The following DAB1 variants were observed in gnomAD, a reference collection of about 807,000 sequenced individuals.
DAB1 encodes the protein disabled homolog 1.
Under a neutral mutation model 64.6 loss-of-function variants are expected in DAB1, and 15 were observed. The observed-to-expected ratio is 0.23, with a 90% CI of 0.16 to 0.36. The LOEUF (loss-of-function observed/expected upper bound fraction) is 0.36, where lower values mean the gene tolerates loss of function less well. Among genes scored for constraint, DAB1 ranks in the 10% least tolerant of loss-of-function variants. The pLI, the probability that DAB1 is intolerant of heterozygous loss-of-function variation, is 1.00. For missense variants in DAB1, 596 were observed against 706.7 expected, an observed-to-expected ratio of 0.84 and a Z score of 1.78; for synonymous variants, 235 against 251.9, an observed-to-expected ratio of 0.93 and a Z score of 0.64.
At chr1:57,511,453 T>A (rs1196642164) in intron 7 of DAB1, among the ~76,000 whole-genome samples, 1 of 152,246 alleles carries the variant, frequency 6.6e-6, no homozygotes. Flanking sequence ...CCTTATTCTA[T>A]CCTTCAGGGC....
At chr1:57,406,945 A>G (rs1319403981) in intron 1 of DAB1, among the ~76,000 whole-genome samples, 1 of 152,234 alleles carries the variant, frequency 6.6e-6, no homozygotes, top group Non-Finnish European at 1.5e-5. Context: ...TCTAGCAGTG[A>G]CATGCATGAT....
At chr1:58,440,938 G>A (rs1035012916) in intron 3 of DAB1, among the ~76,000 whole-genome samples, 2 of 152,114 alleles carry the variant, frequency 1.3e-5, no homozygotes, top group Admixed American at 1.3e-4. Flanking sequence ...TACTACAGTG[G>A]GTAACTAGTG....
chr1:57,561,828 T>C (rs992064015), intron 7 of DAB1, among the ~76,000 whole-genome samples: 4 of 152,210 alleles, frequency 2.6e-5, no homozygotes, highest in African/African-American at 9.6e-5. Context: ...GAGCCCTCGA[T>C]ATGGCACCAT....
chr1:58,068,529 G>A (rs1649003813), intron 5 of DAB1, among the ~76,000 whole-genome samples: 2 of 152,152 alleles, frequency 1.3e-5, no homozygotes, highest in African/African-American at 2.4e-5. Flanking sequence ...ACTTTGGGGG[G>A]CAGAGGCGGG....
intron 4 of DAB1, among the ~76,000 whole-genome samples, chr1:58,306,926 T>C (rs1312779399): frequency 1.3e-5 from 2 of 152,214 alleles, no homozygotes; most frequent in African/African-American, 4.8e-5. Flanking sequence ...ATCCTACTTA[T>C]GGGAGAACCA....
At chr1:57,131,155 C>T (rs1442378470) in intron 4 of DAB1, among the ~76,000 whole-genome samples, 10 of 152,150 alleles carry the variant, frequency 6.6e-5, no homozygotes, top group African/African-American at 2.4e-4. Context: ...TTGAGAATCT[C>T]TGAAACAAAA....
In DAB1 at chr1:57,303,909, C is replaced by T. The variant is rs533591882; in HGVS notation, c.-136-12743G>A. Among the ~76,000 whole-genome samples the T allele has an allele frequency of 4.6e-5, 7 of 152,278 alleles. No individual in the cohort carries two copies. In the East Asian group the frequency reaches 7.7e-4, roughly 17 times the overall value. On this transcript the variant is annotated intron_variant, in intron 1 of 14. Coordinates refer to ENST00000371236, the MANE Select transcript of DAB1 (RefSeq NM_001365792.1). The stretch of plus-strand genomic sequence containing the variant: ...AAAACTCCCCCCTGCCTTACTGCTA[C>T]GCATGGCTTTACAATGTCATAGTCC...
chr1:57,620,812 G>T (rs548427089), intron 7 of DAB1, among the ~76,000 whole-genome samples: 1 of 152,266 alleles, frequency 6.6e-6, no homozygotes, highest in South Asian at 2.1e-4. Context: ...GAAGCAGGGG[G>T]GCAGCGCGGC....
intron 3 of DAB1, among the ~76,000 whole-genome samples, chr1:58,461,710 C>T (rs562195196): frequency 6.6e-6 from 1 of 152,282 alleles, no homozygotes; most frequent in African/African-American, 2.4e-5. Flanking sequence ...CAAAGACTAC[C>T]GATGAAGGCA....
At chr1:57,922,119 A>C (rs912207210) in intron 5 of DAB1, among the ~76,000 whole-genome samples, 3 of 152,208 alleles carry the variant, frequency 2.0e-5, no homozygotes, top group Admixed American at 6.5e-5. Flanking sequence ...TCATTCTTCT[A>C]AATGGTAATA....
chr1:57,018,609 A>C (rs957723486), intron 11 of DAB1, among the ~76,000 whole-genome samples: 1 of 152,230 alleles, frequency 6.6e-6, no homozygotes, highest in Admixed American at 6.5e-5. Context: ...AACTACCCAC[A>C]GATTCAATCA....
intron 2 of DAB1, among the ~76,000 whole-genome samples, chr1:57,258,309 C>A (rs1669919650): frequency 6.6e-6 from 1 of 152,138 alleles, no homozygotes; most frequent in South Asian, 2.1e-4. Context: ...AAGAAGGAGG[C>A]AGCTGAGATA....
chr1:57,556,824 G>C (rs1335985266), intron 7 of DAB1, among the ~76,000 whole-genome samples: 1 of 152,070 alleles, frequency 6.6e-6, no homozygotes, highest in East Asian at 1.9e-4. Context: ...TGTTGCATTT[G>C]CTTTTGGGTT....
chr1:57,279,645 G>A (rs750775102), intron 2 of DAB1, among the ~76,000 whole-genome samples: 3 of 152,156 alleles, frequency 2.0e-5, no homozygotes, highest in Non-Finnish European at 4.4e-5. Context: ...CATAGCCTCA[G>A]GATTTTATCC....
intron 4 of DAB1, among the ~76,000 whole-genome samples, chr1:58,195,008 C>A (rs1557690579): frequency 6.6e-6 from 1 of 152,154 alleles, no homozygotes; most frequent in Non-Finnish European, 1.5e-5. Context: ...AACTCTAAGA[C>A]ATCAGGAAGA....
chr1:57,314,375 C>A (rs953148595), intron 1 of DAB1, among the ~76,000 whole-genome samples: 2 of 152,168 alleles, frequency 1.3e-5, no homozygotes, highest in African/African-American at 4.8e-5. Context: ...GGAGCTGTGG[C>A]CAGAGTTTTG....
At chr1:57,674,246 C>T (rs1570726167) in intron 6 of DAB1, among the ~76,000 whole-genome samples, 1 of 152,130 alleles carries the variant, frequency 6.6e-6, no homozygotes, top group Non-Finnish European at 1.5e-5. Flanking sequence ...ACAAGTCCAG[C>T]ACATCTTCTA....
At chr1:57,194,390 C>T (rs527659525) in intron 2 of DAB1, among the ~76,000 whole-genome samples, 149 of 152,282 alleles carry the variant, frequency 9.8e-4, no homozygotes, top group African/African-American at 3.5e-3. Context: ...GCCCTTGGCA[C>T]GTGGTAAGCA....
At chr1:58,450,837 A>T (rs1192072222) in intron 3 of DAB1, among the ~76,000 whole-genome samples, 2 of 152,234 alleles carry the variant, frequency 1.3e-5, no homozygotes, top group Admixed American at 6.5e-5. Flanking sequence ...GATCAAGGTT[A>T]AAGTCAGCAG....
Sources: gnomAD v4.1 joint callset for allele counts (sites outside exome capture counted in the v4.1 genomes callset) on GRCh38, gnomAD v4.1.1 for gene constraint, MANE v1.5 for transcripts, NCBI Gene and HGNC (gene_info 2026-07-23, HGNC 2026-07-21) for gene names.